The following SGK3 variants were observed in gnomAD, a reference collection of about 807,000 sequenced individuals.
SGK3 encodes the protein serum/glucocorticoid regulated kinase family member 3.
Under a neutral mutation model 68.5 loss-of-function variants are expected in SGK3, and 47 were observed. The ratio of observed to expected loss-of-function variants is 0.69; its 90% CI spans 0.54 to 0.87. SGK3 has a LOEUF of 0.87. SGK3 is among the 40% of genes least tolerant of loss of function. The pLI, the probability that SGK3 is intolerant of heterozygous loss-of-function variation, is 0.00. For synonymous variants in SGK3, 181 were observed against 189.1 expected, an observed-to-expected ratio of 0.96 and a Z score of 0.35; for missense variants, 479 against 575.5, an observed-to-expected ratio of 0.83 and a Z score of 1.72.
Position 66,835,976 on chromosome 8 carries a change from T to A in SGK3, c.643T>A (p.Leu215Met), listed in dbSNP as rs1486698608. 6.2e-7 allele frequency: 1 copy of A among 1,613,710 alleles called. No individual in the cohort carries two copies. Among genetic ancestry groups the A allele is most frequent in the Non-Finnish European group, 8.5e-7 (1 of 1,179,900 alleles). ...KHIMAERNVL[L>M]KNVKHPFLVG... ...TATTATGGCTGAACGTAATGTGCTC[T>A]TGAAAAATGTGAAACATCCGTTTTT... The change falls in exon 10 of 17, where the codon TTG (leucine) becomes ATG (methionine). Residue 215 changes from leucine to methionine, a missense_variant. Leu to Met is a conservative substitution (Grantham distance 15, BLOSUM62 2). This residue lies in a region of SGK3 where 298 missense variants were observed against 329.4 expected (regional missense o/e 0.90). Coordinates refer to ENST00000521198, the MANE Select transcript of SGK3 (RefSeq NM_001033578.3).
At chr8:66,801,010 A>G (rs896202209) in intron 3 of SGK3, among the ~76,000 whole-genome samples, 8 of 152,240 alleles carry the variant, frequency 5.3e-5, no homozygotes, top group African/African-American at 1.9e-4. Context: ...GTTGCTACTC[A>G]GAAATAACTG....
At chr8:66,824,507 T>C (rs1808975101) in intron 6 of SGK3, among the ~76,000 whole-genome samples, 1 of 152,094 alleles carries the variant, frequency 6.6e-6, no homozygotes, top group African/African-American at 2.4e-5. Context: ...AACAGTAAGG[T>C]AAAACAAGCA....
chr8:66,847,220 G>A lies in SGK3; in HGVS notation c.1102G>A (p.Glu368Lys). Residue 368 changes from glutamate to lysine, a missense_variant, in exon 15 of 17, where the codon GAA becomes AAA. Glu to Lys is a moderately conservative substitution (Grantham distance 56). Coordinates refer to ENST00000521198, the MANE Select transcript of SGK3 (RefSeq NM_001033578.3). ...TCCTTTTTATTGCCGAGATGTTGCT[G>A]AAATGTATGACAATATCCTTCACAA... ...LPPFYCRDVA[E>K]MYDNILHKPL... The A allele has an allele frequency of 6.2e-7, 1 of 1,605,034 alleles. No individual in the cohort carries two copies. Among genetic ancestry groups the A allele is most frequent in the Non-Finnish European group, 8.5e-7 (1 of 1,176,086 alleles).
intron 8 of SGK3, among the ~76,000 whole-genome samples, chr8:66,834,786 AT>A (rs1326827070): frequency 6.6e-6 from 1 of 151,896 alleles, no homozygotes; most frequent in Non-Finnish European, 1.5e-5. Flanking sequence ...ACAAAAAAAA[AT>A]AAATTAGCCC....
At chr8:66,753,290 C>G (rs1485681823) in intron 1 of SGK3, among the ~76,000 whole-genome samples, 1 of 152,110 alleles carries the variant, frequency 6.6e-6, no homozygotes, top group Non-Finnish European at 1.5e-5. Context: ...TTCCATGAAG[C>G]CTACAACCTC....
chr8:66,728,785 T>C (rs1037736077), intron 1 of SGK3, among the ~76,000 whole-genome samples: 1 of 152,000 alleles, frequency 6.6e-6, no homozygotes, highest in Non-Finnish European at 1.5e-5. Flanking sequence ...CTGGGTGTGG[T>C]GGTGTGTACC....
chr8:66,842,481 A>G (rs989476031), intron 13 of SGK3, among the ~76,000 whole-genome samples: 2 of 152,066 alleles, frequency 1.3e-5, no homozygotes, highest in African/African-American at 2.4e-5. Context: ...CAGCCTCCCA[A>G]TATTTTGCCA....
rs565303536 is a variant in SGK3, at chr8:66,793,350, T to C, written c.-121-266T>C. Among the ~76,000 whole-genome samples the C allele has an allele frequency of 1.9e-4, 29 of 152,348 alleles. 1 individual carries two copies. The highest frequency in any genetic ancestry group is 5.3e-4 in the African/African-American group (22 of 41,578). ...TGGTTACCTCCAACTAGATCTTTTCTAGGTGAGAGTTAGTCCCTAGCCTAC... is the reference window on the plus strand; with the variant it reads ...TGGTTACCTCCAACTAGATCTTTTCCAGGTGAGAGTTAGTCCCTAGCCTAC... On this transcript the variant is annotated intron_variant, in intron 1 of 16. Coordinates refer to ENST00000521198, the MANE Select transcript of SGK3 (RefSeq NM_001033578.3).
chr8:66,858,733 G>A (rs1015526236), intron 16 of SGK3, among the ~76,000 whole-genome samples: 1 of 152,078 alleles, frequency 6.6e-6, no homozygotes, highest in Non-Finnish European at 1.5e-5. Flanking sequence ...TTTTGAATGC[G>A]GCCCAACACA....
intron 1 of SGK3, chr8:66,775,161 C>CG (rs1172609459): frequency 6.6e-6 from 1 of 152,328 alleles, no homozygotes; most frequent in Non-Finnish European, 1.5e-5. Flanking sequence ...TTGGTGAGGG[C>CG]GGGGCCTGCC....
At chr8:66,740,284 AAG>A (rs1208416524) in intron 1 of SGK3, among the ~76,000 whole-genome samples, 14 of 152,206 alleles carry the variant, frequency 9.2e-5, no homozygotes, top group Non-Finnish European at 1.9e-4. Flanking sequence ...AAATTTAAAA[AAG>A]AATAAGAAAA....
At chr8:66,716,478 A>T (rs1337567331) in intron 1 of SGK3, among the ~76,000 whole-genome samples, 1 of 147,512 alleles carries the variant, frequency 6.8e-6, no homozygotes, top group African/African-American at 2.5e-5. Flanking sequence ...GAAATTGGAC[A>T]AAGTCCTGAA....
intron 1 of SGK3, among the ~76,000 whole-genome samples, chr8:66,752,651 A>C (rs2130436075): frequency 6.6e-6 from 1 of 152,158 alleles, no homozygotes; most frequent in South Asian, 2.1e-4. Flanking sequence ...TGTGGTTTTT[A>C]GAGAAATGCA....
chr8:66,727,545 G>A (rs1407178633), intron 1 of SGK3, among the ~76,000 whole-genome samples: 1 of 152,212 alleles, frequency 6.6e-6, no homozygotes, highest in Non-Finnish European at 1.5e-5. Context: ...GCATTGGGAG[G>A]TGGGGCCTTT....
chr8:66,826,077 A>G (rs1809042306), intron 6 of SGK3, among the ~76,000 whole-genome samples: 4 of 151,840 alleles, frequency 2.6e-5, no homozygotes, highest in Admixed American at 2.6e-4. Context: ...GTTTCAAGTG[A>G]TTCTCCTGCC....
At chr8:66,841,002 T>G (rs1227645854) in intron 12 of SGK3, 22 bp from the exon 13 acceptor site, 2 of 1,535,762 alleles carry the variant, frequency 1.3e-6, no homozygotes, top group Admixed American at 4.4e-5. Context: ...TTGTTTTATC[T>G]TACTGCCCCT....
At chr8:66,807,857 GA>G (rs1808226901) in intron 4 of SGK3, among the ~76,000 whole-genome samples, 1 of 152,020 alleles carries the variant, frequency 6.6e-6, no homozygotes, top group Admixed American at 6.6e-5. Flanking sequence ...ATTTTTAACA[GA>G]AAAACTGGAA....
rs757878685 is a variant in SGK3, at chr8:66,744,531, T to TG, written c.-122+31698_-122+31699insG. On this transcript the variant is annotated intron_variant, in intron 1 of 16. Coordinates refer to ENST00000521198, the MANE Select transcript of SGK3 (RefSeq NM_001033578.3). ...TATATATATATATATTTTTTTTTTT[T>TG]TTTTTTTTTTTTTTAGATGGAGTCT... Among the ~76,000 whole-genome samples the TG allele has an allele frequency of 3.0e-3, 323 of 107,672 alleles. 15 individuals are homozygous for TG. The highest frequency in any genetic ancestry group is 0.011 in the African/African-American group (297 of 26,230). The allele number at this position is 107,672 out of a possible 152,430, so 70.6% of individuals were successfully genotyped here.
chr8:66,848,745 T>G (rs1240982778), intron 15 of SGK3, among the ~76,000 whole-genome samples: 2 of 152,188 alleles, frequency 1.3e-5, no homozygotes, highest in Non-Finnish European at 2.9e-5. Flanking sequence ...TGTTGCTTCT[T>G]AAGCCAAAAA....
Sources: gnomAD v4.1 joint callset for allele counts (sites outside exome capture counted in the v4.1 genomes callset) on GRCh38, gnomAD v4.1.1 for gene constraint, gnomAD v4.1.1 regional missense constraint, MANE v1.5 for transcripts, NCBI Gene and HGNC (gene_info 2026-07-23, HGNC 2026-07-21) for gene names.